Variants in PPIL6 observed in about 807,000 individuals in gnomAD.
PPIL6 encodes the protein probable inactive peptidyl-prolyl cis-trans isomerase-like 6.
A neutral mutation model predicts 36.8 loss-of-function variants in PPIL6; 39 were observed. The ratio of observed to expected loss-of-function variants is 1.06; its 90% CI spans 0.82 to 1.38. PPIL6 has a LOEUF of 1.38. Ranked by LOEUF, PPIL6 falls within the 40% of genes most tolerant of loss-of-function variation. The pLI, the probability that PPIL6 is intolerant of heterozygous loss-of-function variation, is 0.00. For synonymous variants in PPIL6, 123 were observed against 134.1 expected, an observed-to-expected ratio of 0.92 and a Z score of 0.57; for missense variants, 368 against 379.1, an observed-to-expected ratio of 0.97 and a Z score of 0.24.
At chr6:109,400,282 A>G in intron 6 of PPIL6, 112 bp from the exon 7 acceptor site, 2 of 795,290 alleles carry the variant, frequency 2.5e-6, no homozygotes, top group Admixed American at 6.0e-5. Flanking sequence ...ATATTTATCA[A>G]TGGATTCCAA....
chr6:109,426,768 C>T, intron 5 of PPIL6, 79 bp downstream of exon 5: 1 of 975,736 alleles, frequency 1.0e-6, no homozygotes, highest in African/African-American at 1.6e-5. Flanking sequence ...ATTCTACATA[C>T]ATTTCATAAA....
At chr6:109,403,952 C>G (rs1030421872) in intron 6 of PPIL6, among the ~76,000 whole-genome samples, 1 of 152,188 alleles carries the variant, frequency 6.6e-6, no homozygotes, top group South Asian at 2.1e-4. Context: ...CATGCCTTAG[C>G]TGTTCTGAGG....
chr6:109,430,620 T>C (rs1171328547), intron 3 of PPIL6, among the ~76,000 whole-genome samples: 1 of 152,172 alleles, frequency 6.6e-6, no homozygotes, highest in Non-Finnish European at 1.5e-5. Context: ...AGAGATGACG[T>C]TTCACCGTGT....
chr6:109,427,079 A>T lies in PPIL6; in HGVS notation c.483+15T>A. On this transcript the variant is annotated intron_variant, in intron 4 of 7. Transcript: ENST00000521072. ...ATCCTACCCCCACAAACTTACATATAAAAAAAAGTATCACCTCAAAAATCA... is the reference window on the plus strand; with the variant it reads ...ATCCTACCCCCACAAACTTACATATTAAAAAAAGTATCACCTCAAAAATCA... 6.4e-7 allele frequency: 1 copy of T among 1,570,932 alleles called. No individual in the cohort carries two copies. The highest frequency in any genetic ancestry group is 1.1e-5 in the South Asian group (1 of 88,588).
rs1472437144 is a variant in PPIL6 at position 109,414,722 on chromosome 6, C to T, written c.688+4465G>A. Among the ~76,000 whole-genome samples, 3 of 151,838 alleles carry T rather than the reference C, an allele frequency of 2.0e-5. No individual in the cohort carries two copies. In the East Asian group the frequency reaches 5.8e-4, roughly 29 times the overall value. ...TTCTTTTAGCTTATTTTGATATAGA[C>T]TGTTACAGTTTTGATCTACAGTTGA... On this transcript the variant is annotated intron_variant, in intron 6 of 7. Transcript: ENST00000521072.
intron 2 of PPIL6, 23 bp downstream of exon 2, chr6:109,436,081 C>A: frequency 7.7e-7 from 1 of 1,296,504 alleles, no homozygotes; most frequent in South Asian, 1.2e-5. Context: ...GTCTATATCC[C>A]CCACACCCCA....
intron 6 of PPIL6, among the ~76,000 whole-genome samples, chr6:109,407,815 A>G (rs944773765): frequency 6.6e-6 from 1 of 152,092 alleles, no homozygotes; most frequent in African/African-American, 2.4e-5. Context: ...GCCCAAGCAT[A>G]TCATCATACA....
intron 6 of PPIL6, among the ~76,000 whole-genome samples, chr6:109,417,806 T>C (rs1005372221): frequency 6.6e-6 from 1 of 152,196 alleles, no homozygotes; most frequent in African/African-American, 2.4e-5. Flanking sequence ...CAGTCCAACC[T>C]TGGACTCTTG....
At chr6:109,399,323 G>C (rs1772431243) in intron 7 of PPIL6, among the ~76,000 whole-genome samples, 1 of 152,060 alleles carries the variant, frequency 6.6e-6, no homozygotes, top group African/African-American at 2.4e-5. Context: ...TGGCCAGGCT[G>C]GTCTGGAACT....
intron 6 of PPIL6, among the ~76,000 whole-genome samples, chr6:109,403,663 A>G (rs184876813): frequency 3.0e-4 from 45 of 152,362 alleles, no homozygotes; most frequent in African/African-American, 1.0e-3. Context: ...TAGGACTTTA[A>G]AAGTTGTGAT....
chr6:109,439,419 C>T (rs1240745045), intron 1 of PPIL6, among the ~76,000 whole-genome samples: 5 of 152,164 alleles, frequency 3.3e-5, no homozygotes, highest in Non-Finnish European at 5.9e-5. Flanking sequence ...GGCAATGGCG[C>T]GATCTCAGCT....
chr6:109,419,984 G>A (rs1249692303), intron 5 of PPIL6, among the ~76,000 whole-genome samples: 1 of 152,008 alleles, frequency 6.6e-6, no homozygotes, highest in African/African-American at 2.4e-5. Flanking sequence ...TTGTTTTTCT[G>A]AGATCAAGAT....
At chr6:109,403,111 A>G in intron 6 of PPIL6, 3 of 1,499,292 alleles carry the variant, frequency 2.0e-6, no homozygotes, top group Non-Finnish European at 2.7e-6. Flanking sequence ...ATAAAGCTCT[A>G]AAATTAAAGA....
Position 109,431,328 on chromosome 6 carries a change from G to C in PPIL6, c.249C>G (p.Thr83=), listed in dbSNP as rs1302451424. Residue 83 remains threonine (T), a synonymous_variant, in exon 3 of 8, where the codon ACC becomes ACG. Transcript: ENST00000521072. ...AAATCACAGAGGAAGAATATTCCCAGGTTTCATTTTTGAGTTCCTGTAAGG... is the reference window on the plus strand; with the variant it reads ...AAATCACAGAGGAAGAATATTCCCACGTTTCATTTTTGAGTTCCTGTAAGG... ...QEKKRELKNE[T]WEYSSSVISF... is the part of the protein sequence containing the mutation. The C allele has an allele frequency of 6.4e-7, 1 of 1,562,592 alleles. No homozygotes were observed. The highest frequency in any genetic ancestry group is 8.7e-7 in the Non-Finnish European group (1 of 1,151,622).
chr6:109,403,677 A>C (rs1772659604), intron 6 of PPIL6, among the ~76,000 whole-genome samples: 1 of 152,240 alleles, frequency 6.6e-6, no homozygotes, highest in African/African-American at 2.4e-5. Context: ...TTGTGATTCA[A>C]AACAAAGCAA....
At chr6:109,429,705 G>C (rs1244238219) in intron 3 of PPIL6, among the ~76,000 whole-genome samples, 1 of 152,216 alleles carries the variant, frequency 6.6e-6, no homozygotes, top group African/African-American at 2.4e-5. Context: ...GGCCAGCAGT[G>C]CCATGGCAGT....
chr6:109,402,173 C>A (rs1772578750), intron 6 of PPIL6, among the ~76,000 whole-genome samples: 2 of 152,114 alleles, frequency 1.3e-5, no homozygotes, highest in South Asian at 4.1e-4. Context: ...AATTTTAAAG[C>A]AGTTAATCAT....
At chr6:109,409,725 C>T (rs1006159012) in intron 6 of PPIL6, among the ~76,000 whole-genome samples, 80 of 152,104 alleles carry the variant, frequency 5.3e-4, no homozygotes, top group African/African-American at 1.9e-3. Context: ...AATAGCATTT[C>T]TATATGCCAA....
intron 2 of PPIL6, among the ~76,000 whole-genome samples, chr6:109,432,340 A>C (rs1473283599): frequency 1.3e-5 from 2 of 152,100 alleles, no homozygotes; most frequent in Non-Finnish European, 2.9e-5. Flanking sequence ...AGCCCCTCAA[A>C]ATGCAGTGTG....
Sources: allele counts gnomAD v4.1 joint callset (sites outside exome capture counted in the v4.1 genomes callset), GRCh38; gene constraint gnomAD v4.1.1; transcripts MANE v1.5; gene names NCBI Gene and HGNC (gene_info 2026-07-23, HGNC 2026-07-21).